Variants in CCDC149 observed in about 807,000 individuals in gnomAD.
CCDC149 encodes the protein coiled-coil domain-containing protein 149.
Under a neutral mutation model 59.9 loss-of-function variants are expected in CCDC149, and 45 were observed. The observed-to-expected ratio is 0.75, with a 90% CI of 0.59 to 0.96. CCDC149 has a LOEUF of 0.96. Among genes scored for constraint, CCDC149 ranks in the 40% least tolerant of loss-of-function variants. The pLI, the probability that CCDC149 is intolerant of heterozygous loss-of-function variation, is 0.00. For synonymous variants in CCDC149, 245 were observed against 260.6 expected (o/e 0.94, Z 0.58); for missense variants, 584 against 664.7 (o/e 0.88, Z 1.33).
intron 3 of CCDC149, among the ~76,000 whole-genome samples, chr4:24,869,058 G>A (rs1718867901): frequency 6.6e-6 from 1 of 152,218 alleles, no homozygotes; most frequent in Admixed American, 6.5e-5. Flanking sequence ...AATGACACCG[G>A]CTGCGATTGC....
intron 1 of CCDC149, among the ~76,000 whole-genome samples, chr4:24,965,855 C>A (rs960970688): frequency 6.6e-6 from 1 of 152,182 alleles, no homozygotes; most frequent in Non-Finnish European, 1.5e-5. Flanking sequence ...GGAGTGCAGG[C>A]GCAAAACCCC....
chr4:24,900,282 T>C (rs956989570), intron 1 of CCDC149, among the ~76,000 whole-genome samples: 3 of 152,186 alleles, frequency 2.0e-5, no homozygotes, highest in African/African-American at 7.2e-5. Flanking sequence ...CACTGACATA[T>C]GAGGGCTGTC....
At chr4:24,950,501 T>C (rs1194977330) in intron 1 of CCDC149, among the ~76,000 whole-genome samples, 1 of 152,230 alleles carries the variant, frequency 6.6e-6, no homozygotes, top group Non-Finnish European at 1.5e-5. Context: ...GGAATATGGC[T>C]GCTGGGAATG....
At chr4:24,811,190 CT>C (rs1309878294) in intron 12 of CCDC149, among the ~76,000 whole-genome samples, 1 of 152,172 alleles carries the variant, frequency 6.6e-6, no homozygotes, top group Non-Finnish European at 1.5e-5. Context: ...TTAACATGTG[CT>C]GTATTCCTAT....
intron 1 of CCDC149, among the ~76,000 whole-genome samples, chr4:24,967,501 G>A (rs1054158290): frequency 2.6e-5 from 4 of 152,032 alleles, no homozygotes; most frequent in African/African-American, 9.7e-5. Flanking sequence ...AACTGGGACA[G>A]TACCACTATG....
At chr4:24,938,273 T>A (rs1722840800) in intron 1 of CCDC149, among the ~76,000 whole-genome samples, 1 of 152,232 alleles carries the variant, frequency 6.6e-6, no homozygotes, top group Non-Finnish European at 1.5e-5. Flanking sequence ...GAATATTATT[T>A]TTTTTCCTTT....
intron 3 of CCDC149, among the ~76,000 whole-genome samples, chr4:24,871,739 CT>C (rs1459184530): frequency 1.3e-5 from 2 of 152,196 alleles, no homozygotes; most frequent in East Asian, 3.9e-4. Context: ...GGGACAGAAA[CT>C]TAATGCCATT....
At position 24,876,695 on chromosome 4, in the gene CCDC149, G is replaced by C. The variant is rs1350722076; in HGVS notation, c.66C>G (p.Tyr22Ter). The C allele has an allele frequency of 1.2e-6, 2 of 1,607,902 alleles. No individual in the cohort carries two copies. The highest frequency in any genetic ancestry group is 2.2e-5 in the East Asian group (1 of 44,814). ...TCTCCAGCTTCCTCTTACACACCAG[G>C]TACTGCAAAGCAAACAAATCCAGGC... is the stretch of plus-strand genomic sequence containing the variant. Residue 22 changes from tyrosine to a stop codon, truncating the protein, a stop_gained and splice_region_variant, in exon 2 of 13, where the codon TAC (tyrosine) becomes TAG (stop). Coordinates refer to ENST00000635206, the MANE Select transcript of CCDC149 (RefSeq NM_001330643.2). LOFTEE classifies it high-confidence loss of function.
At chr4:24,934,684 AC>A (rs1238420687) in intron 1 of CCDC149, among the ~76,000 whole-genome samples, 3 of 152,202 alleles carry the variant, frequency 2.0e-5, no homozygotes, top group Admixed American at 6.5e-5. Context: ...TTGAACAGGC[AC>A]CTGAATGAAG....
chr4:24,838,092 C>T, intron 5 of CCDC149, 64 bp downstream of exon 5: 1 of 1,281,438 alleles, frequency 7.8e-7, no homozygotes, highest in South Asian at 1.2e-5. Flanking sequence ...ACAGTCCACT[C>T]TTGTTTGTGT....
rs1257478355 is a variant in CCDC149 at position 24,824,385 on chromosome 4, T to C, written c.966-1812A>G. On this transcript the variant is annotated intron_variant, in intron 9 of 12. Transcript: ENST00000635206. ...GTTATGACAGTAGAAATAATAACAA[T>C]AGTACCACCAACAACAATAGCAACT... Among the ~76,000 whole-genome samples the C allele has an allele frequency of 2.0e-5, 3 of 152,152 alleles. No individual in the cohort carries two copies. The East Asian group carries it at 5.8e-4, about 29-fold the overall frequency.
intron 1 of CCDC149, among the ~76,000 whole-genome samples, chr4:24,928,373 G>A (rs1722489548): frequency 6.6e-6 from 1 of 152,204 alleles, no homozygotes; most frequent in Non-Finnish European, 1.5e-5. Context: ...AAGGGGAGGA[G>A]AGGGTAGGGC....
At chr4:24,929,764 T>C (rs1722532340) in intron 1 of CCDC149, among the ~76,000 whole-genome samples, 1 of 152,202 alleles carries the variant, frequency 6.6e-6, no homozygotes, top group African/African-American at 2.4e-5. Context: ...TCTGAACTCC[T>C]GAAAAGTCTT....
At chr4:24,938,782 G>A (rs578199210) in intron 1 of CCDC149, among the ~76,000 whole-genome samples, 1 of 152,372 alleles carries the variant, frequency 6.6e-6, no homozygotes, top group African/African-American at 2.4e-5. Flanking sequence ...TACGCCCACG[G>A]AGCCTCACTC....
chr4:24,933,663 C>T (rs34435249), intron 1 of CCDC149, among the ~76,000 whole-genome samples: 10,959 of 152,094 alleles, frequency 0.072, 410 homozygotes, highest in East Asian at 0.095. Context: ...GAGGGAGAGA[C>T]AGATAATAAG....
intron 1 of CCDC149, among the ~76,000 whole-genome samples, chr4:24,882,581 C>G (rs930381441): frequency 6.6e-6 from 1 of 152,170 alleles, no homozygotes; most frequent in South Asian, 2.1e-4. Flanking sequence ...AAAATGTGTT[C>G]CTATCTCGTC....
chr4:24,975,482 G>A (rs148655710), intron 1 of CCDC149, among the ~76,000 whole-genome samples: 2 of 142,968 alleles, frequency 1.4e-5, no homozygotes, highest in Non-Finnish European at 3.1e-5. Context: ...AGAAGAAAGC[G>A]GGGAGGAGAG....
At chr4:24,853,261 T>C (rs1272337620) in intron 3 of CCDC149, 82 bp from the exon 4 acceptor site, 4 of 1,041,680 alleles carry the variant, frequency 3.8e-6, no homozygotes, top group Non-Finnish European at 6.0e-6. Context: ...TTGTGGATGC[T>C]GGTGTCTAAC....
intron 1 of CCDC149, among the ~76,000 whole-genome samples, chr4:24,966,132 A>G (rs904643810): frequency 6.6e-6 from 1 of 152,090 alleles, no homozygotes; most frequent in Admixed American, 6.5e-5. Flanking sequence ...CAGGATCCCG[A>G]GCTGTTGCAG....
Sources: gnomAD v4.1 joint callset for allele counts (sites outside exome capture counted in the v4.1 genomes callset) on GRCh38, gnomAD v4.1.1 for gene constraint, MANE v1.5 for transcripts, NCBI Gene and HGNC (gene_info 2026-07-23, HGNC 2026-07-21) for gene names.